The following RARB variants were observed in gnomAD, a reference collection of about 807,000 sequenced individuals.
RARB encodes the protein retinoic acid receptor beta.
A neutral mutation model predicts 51.9 loss-of-function variants in RARB; 17 were observed. The observed-to-expected ratio is 0.33, with a 90% confidence interval of 0.22 to 0.49. The LOEUF is 0.49. Among genes scored for constraint, RARB ranks in the 20% least tolerant of loss-of-function variants. RARB has a pLI of 0.99. For missense variants in RARB, 369 were observed against 550.8 expected, an observed-to-expected ratio of 0.67 and a Z score of 3.30; for synonymous variants, 215 against 195.4, an observed-to-expected ratio of 1.10 and a Z score of -0.84.
intron 4 of RARB, among the ~76,000 whole-genome samples, chr3:25,137,703 T>C (rs1213597700): frequency 6.6e-6 from 1 of 152,104 alleles, no homozygotes; most frequent in Non-Finnish European, 1.5e-5. Context: ...TTGTTGCAAC[T>C]TTGTTTATTG....
At chr3:25,191,944 AAG>A (rs1310555234) in intron 5 of RARB, among the ~76,000 whole-genome samples, 1 of 152,092 alleles carries the variant, frequency 6.6e-6, no homozygotes, top group Middle Eastern at 3.2e-3. Context: ...GGGTGTGGAG[AAG>A]AGAGTCTCTT....
chr3:25,055,420 C>T (rs1347552154), intron 2 of RARB, among the ~76,000 whole-genome samples: 1 of 152,138 alleles, frequency 6.6e-6, no homozygotes, highest in East Asian at 1.9e-4. Flanking sequence ...GCACTGAGGG[C>T]CCTTAAGAAT....
intron 2 of RARB, among the ~76,000 whole-genome samples, chr3:24,986,283 G>T (rs1380583330): frequency 6.6e-6 from 1 of 152,144 alleles, no homozygotes; most frequent in Non-Finnish European, 1.5e-5. Context: ...ATGTAAATAT[G>T]CAAAATATGT....
At chr3:25,232,381 T>C (rs965238774) in intron 5 of RARB, among the ~76,000 whole-genome samples, 2 of 152,156 alleles carry the variant, frequency 1.3e-5, no homozygotes, top group Non-Finnish European at 2.9e-5. Context: ...AGTCATTGCA[T>C]TGAATCTATA....
chr3:25,097,570 A>G (rs1699319685), intron 3 of RARB, among the ~76,000 whole-genome samples: 1 of 152,116 alleles, frequency 6.6e-6, no homozygotes, highest in Non-Finnish European at 1.5e-5. Flanking sequence ...TGAGCCCAGG[A>G]GTTCTGGACT....
intron 5 of RARB, among the ~76,000 whole-genome samples, chr3:25,330,006 G>A (rs1362928459): frequency 6.6e-6 from 1 of 152,128 alleles, no homozygotes; most frequent in African/African-American, 2.4e-5. Context: ...CAAGAAATAT[G>A]GGACTATGTG....
intron 2 of RARB, among the ~76,000 whole-genome samples, chr3:24,956,367 C>G (rs1317792744): frequency 6.6e-6 from 1 of 152,162 alleles, no homozygotes; most frequent in Non-Finnish European, 1.5e-5. Context: ...ATACCATGTA[C>G]TCAACAAATA....
intron 5 of RARB, among the ~76,000 whole-genome samples, chr3:25,199,178 G>C (rs1045450004): frequency 2.0e-5 from 3 of 152,078 alleles, no homozygotes; most frequent in Admixed American, 2.0e-4. Context: ...ATTATGTTAA[G>C]TGAAATAAGA....
Position 25,032,207 on chromosome 3 carries a change from T to C in RARB, c.-379-27918T>C, listed in dbSNP as rs143094349. 2.2e-3 allele frequency among the ~76,000 whole-genome samples: 336 copies of C among 152,314 alleles called. 1 individual carries two copies. Among genetic ancestry groups the C allele is most frequent in the African/African-American group, 8.0e-3 (332 of 41,572 alleles). On this transcript the variant is annotated intron_variant, in intron 2 of 11. Transcript: ENST00000383772. ...ACAATAGCCATCATTAAAATTGGAT[T>C]ATAAAAGACATCCGCAATCAGTGAG...
intron 2 of RARB, among the ~76,000 whole-genome samples, chr3:24,992,048 G>A (rs1696924131): frequency 6.6e-6 from 1 of 152,090 alleles, no homozygotes; most frequent in African/African-American, 2.4e-5. Flanking sequence ...CACTCCCCAC[G>A]TGGGCCCTTG....
At chr3:24,902,364 G>A (rs903371886) in intron 2 of RARB, among the ~76,000 whole-genome samples, 8 of 152,246 alleles carry the variant, frequency 5.3e-5, no homozygotes, top group Admixed American at 1.3e-4. Flanking sequence ...GGGAATCACC[G>A]TCAGAGTGAT....
At chr3:25,448,766 C>T (rs914784499) in intron 1 of RARB, among the ~76,000 whole-genome samples, 1 of 152,088 alleles carries the variant, frequency 6.6e-6, no homozygotes, top group Non-Finnish European at 1.5e-5. Flanking sequence ...CGTGCCCGGC[C>T]GAGAATCTTT....
chr3:25,317,595 C>T (rs1028353634), intron 5 of RARB, among the ~76,000 whole-genome samples: 3 of 152,046 alleles, frequency 2.0e-5, no homozygotes, highest in Admixed American at 1.3e-4. Context: ...AGAGACCTCA[C>T]AATCCATGAC....
At chr3:24,949,185 A>G (rs904282872) in intron 2 of RARB, among the ~76,000 whole-genome samples, 11 of 152,164 alleles carry the variant, frequency 7.2e-5, no homozygotes, top group Non-Finnish European at 1.3e-4. Context: ...GAGCTTTCCA[A>G]TGTCAAAGGT....
chr3:25,300,728 A>G (rs1704018986), intron 5 of RARB, among the ~76,000 whole-genome samples: 2 of 151,950 alleles, frequency 1.3e-5, no homozygotes, highest in Admixed American at 6.6e-5. Context: ...GGTGGCTCAC[A>G]CCTGTAATCT....
chr3:25,111,156 T>A (rs1699594703), intron 3 of RARB, among the ~76,000 whole-genome samples: 1 of 152,218 alleles, frequency 6.6e-6, no homozygotes, highest in African/African-American at 2.4e-5. Flanking sequence ...TTTTTTCAGA[T>A]GCAAGTAATC....
intron 2 of RARB, among the ~76,000 whole-genome samples, chr3:24,902,746 T>C (rs1252046583): frequency 6.6e-6 from 1 of 152,196 alleles, no homozygotes; most frequent in Non-Finnish European, 1.5e-5. Context: ...AAAAAAATGT[T>C]TCATTTTACC....
At chr3:24,997,763 A>G (rs1165676991) in intron 2 of RARB, among the ~76,000 whole-genome samples, 2 of 152,168 alleles carry the variant, frequency 1.3e-5, no homozygotes, top group East Asian at 1.9e-4. Flanking sequence ...TTTGCAGCCT[A>G]TTCAGCATAA....
chr3:24,971,957 C>T (rs1696408879), intron 2 of RARB, among the ~76,000 whole-genome samples: 1 of 148,630 alleles, frequency 6.7e-6, no homozygotes, highest in Non-Finnish European at 1.5e-5. Flanking sequence ...ATAATCAATT[C>T]AGGGTAATCT....
Sources: gnomAD v4.1 joint callset for allele counts (sites outside exome capture counted in the v4.1 genomes callset) on GRCh38, gnomAD v4.1.1 for gene constraint, MANE v1.5 for transcripts, NCBI Gene and HGNC (gene_info 2026-07-23, HGNC 2026-07-21) for gene names.